The following PCNX1 variants were observed in gnomAD, a reference collection of about 807,000 sequenced individuals.
PCNX1 encodes pecanex 1.
In PCNX1, 78 loss-of-function variants were observed where a neutral mutation model predicts 242.2. The observed-to-expected ratio is 0.32, with a 90% confidence interval of 0.27 to 0.39. The LOEUF (loss-of-function observed/expected upper bound fraction) is 0.39, where lower values mean the gene tolerates loss of function less well. PCNX1 is among the 10% of genes least tolerant of loss of function. PCNX1 has a pLI of 1.00. For synonymous variants in PCNX1, 1,024 were observed against 1,032.9 expected, an observed-to-expected ratio of 0.99 and a Z score of 0.17; for missense variants, 2,581 against 2,856.5, an observed-to-expected ratio of 0.90 and a Z score of 2.20.
chr14:70,928,183 A>G (rs956543718), intron 1 of PCNX1, among the ~76,000 whole-genome samples: 2 of 152,160 alleles, frequency 1.3e-5, no homozygotes, highest in South Asian at 4.1e-4. Context: ...ATATAGGAGC[A>G]AGGAGAATCT....
intron 2 of PCNX1, among the ~76,000 whole-genome samples, chr14:70,956,413 G>A (rs1213906585): frequency 6.6e-6 from 1 of 151,920 alleles, no homozygotes; most frequent in Non-Finnish European, 1.5e-5. Context: ...AAAATTAGCC[G>A]GGTGTGGTGG....
At position 71,110,049 on chromosome 14, in the gene PCNX1, G is replaced by A. The variant is rs749236298; in HGVS notation, c.*114G>A. Reference sequence around the variant, plus strand: ...TATCACTTTGATCCTATGTGGGAGCGACTGAAAATAGAATGAGCTTGGTTA... The same window carrying A: ...TATCACTTTGATCCTATGTGGGAGCAACTGAAAATAGAATGAGCTTGGTTA... On this transcript the variant is annotated 3_prime_UTR_variant, in exon 36 of 36. Coordinates refer to ENST00000304743, the MANE Select transcript of PCNX1 (RefSeq NM_014982.3). The A allele has an allele frequency of 1.2e-4, 113 of 950,756 alleles. 1 individual carries two copies. The highest frequency in any genetic ancestry group is 1.4e-4 in the Non-Finnish European group (80 of 589,690). The allele number at this position is 950,756 out of a possible 1,614,324, so 58.9% of individuals were successfully genotyped here.
chr14:71,109,562 C>A lies in PCNX1; in HGVS notation c.6855C>A (p.Asp2285Glu), dbSNP rs768354103. The change falls in exon 35 of 36, where the codon GAC becomes GAA. Residue 2285 changes from aspartate to glutamate, a missense_variant. Around this residue, in one of 9 missense-constraint regions of PCNX1, gnomAD observed 432 missense variants for 433.6 expected, o/e 1.00. Coordinates refer to ENST00000304743, the MANE Select transcript of PCNX1 (RefSeq NM_014982.3). ...AAGCTGGGAGAAATAGCTGGAAAGACTGGAGTCCGCAGGAGGGCATGGAAG... is the reference window on the plus strand; with the variant it reads ...AAGCTGGGAGAAATAGCTGGAAAGAATGGAGTCCGCAGGAGGGCATGGAAG... Reference protein sequence around the residue: ...RLKAGRNSWKDWSPQEGMEGH... With the variant: ...RLKAGRNSWKEWSPQEGMEGH... 1 of 1,614,102 alleles carries A rather than the reference C, an allele frequency of 6.2e-7. No individual in the cohort carries two copies. Among genetic ancestry groups the A allele is most frequent in the Non-Finnish European group, 8.5e-7 (1 of 1,179,990 alleles).
At chr14:71,010,324 T>C (rs1455217166) in intron 9 of PCNX1, among the ~76,000 whole-genome samples, 2 of 152,108 alleles carry the variant, frequency 1.3e-5, no homozygotes, top group African/African-American at 4.8e-5. Context: ...ATGTAAGTTC[T>C]TACATAACTA....
intron 30 of PCNX1, among the ~76,000 whole-genome samples, chr14:71,091,885 G>A (rs972634739): frequency 8.5e-5 from 13 of 152,160 alleles, no homozygotes; most frequent in African/African-American, 2.2e-4. Context: ...TTAAAACGCC[G>A]TGTGGCACTA....
At position 70,977,050 on chromosome 14, in the gene PCNX1, A is replaced by G; in HGVS notation, c.713A>G (p.Asp238Gly). 1 of 1,614,212 alleles carries G rather than the reference A, an allele frequency of 6.2e-7. No individual in the cohort carries two copies. The highest frequency in any genetic ancestry group is 8.5e-7 in the Non-Finnish European group (1 of 1,180,048). Reference sequence around the variant, plus strand: ...CAGGACTTGCCAAGGGACTTCAGTGACAAAGTGAACCTGCCAAGTCATAAC... The same window carrying G: ...CAGGACTTGCCAAGGGACTTCAGTGGCAAAGTGAACCTGCCAAGTCATAAC... The part of the protein sequence containing the change: ...CGQDLPRDFS[D>G]KVNLPSHNHH... Residue 238 changes from aspartate (D) to glycine (G), a missense_variant, in exon 6 of 36, where the codon GAC (aspartate) becomes GGC (glycine). This residue lies in a region of PCNX1 where 1,204 missense variants were observed against 1,216.7 expected (regional missense o/e 0.99). Transcript: ENST00000304743.
At position 70,982,501 on chromosome 14, in the gene PCNX1, A is replaced by G. The variant is rs75189330; in HGVS notation, c.2311+3853A>G. Among the ~76,000 whole-genome samples, 85 of 152,336 alleles carry G rather than the reference A, an allele frequency of 5.6e-4. No homozygotes were observed. In the East Asian group the frequency reaches 0.013, roughly 23 times the overall value. On this transcript the variant is annotated intron_variant, in intron 6 of 35. Transcript: ENST00000304743. ...TCATAATAGCATAACTTAATACTGT[A>G]TTAAAGTATAATGCTATACTCATTG...
rs765106478 is a variant in PCNX1, at chr14:71,033,545, G to T, written c.3668+7G>T. On this transcript the variant is annotated splice_region_variant and intron_variant, in intron 17 of 35. Transcript: ENST00000304743. ...GTGATCCATCTGTACTTTTGTAAGTGAACTCAATTGTTATTGAATTAAAAG... is the reference window on the plus strand; with the variant it reads ...GTGATCCATCTGTACTTTTGTAAGTTAACTCAATTGTTATTGAATTAAAAG... 2.9e-6 allele frequency: 4 copies of T among 1,369,452 alleles called. No individual in the cohort carries two copies. In the East Asian group the frequency reaches 9.2e-5, roughly 31 times the overall value. The allele number at this position is 1,369,452 out of a possible 1,614,324, so 84.8% of individuals were successfully genotyped here.
At chr14:71,000,045 C>G (rs1404984967) in intron 8 of PCNX1, among the ~76,000 whole-genome samples, 1 of 151,824 alleles carries the variant, frequency 6.6e-6, no homozygotes. Context: ...TTGATTTTGT[C>G]CTTTATTATT....
At chr14:70,983,527 A>T (rs2058907060) in intron 6 of PCNX1, among the ~76,000 whole-genome samples, 1 of 151,944 alleles carries the variant, frequency 6.6e-6, no homozygotes, top group Non-Finnish European at 1.5e-5. Context: ...CTGGTCTCGA[A>T]CTCCTGACCT....
At chr14:71,020,447 G>A (rs2140753815) in intron 12 of PCNX1, among the ~76,000 whole-genome samples, 1 of 152,234 alleles carries the variant, frequency 6.6e-6, no homozygotes, top group South Asian at 2.1e-4. Context: ...AGCATCTGTT[G>A]TTTCCTGACT....
In PCNX1 at chr14:71,102,162, C is replaced by G; in HGVS notation, c.5762C>G (p.Thr1921Ser). 6.2e-7 allele frequency: 1 copy of G among 1,613,994 alleles called. No homozygotes were observed. The highest frequency in any genetic ancestry group is 8.5e-7 in the Non-Finnish European group (1 of 1,179,964). The change falls in exon 31 of 36, where the codon ACC (threonine) becomes AGC (serine). Residue 1921 changes from threonine to serine, a missense_variant. Thr to Ser is a moderately conservative substitution (Grantham distance 58). Coordinates refer to ENST00000304743, the MANE Select transcript of PCNX1 (RefSeq NM_014982.3). ...CTGCGGCATGTCATGGATGATGGCA[C>G]CAATGAATATAAAATCATCATGCTC... is the stretch of plus-strand genomic sequence containing the variant. ...LALRHVMDDG[T>S]NEYKIIMLNR...
rs764850863 is a variant in PCNX1, at chr14:71,019,082, C to T, written c.3070C>T (p.Leu1024Phe). 33 of 1,613,310 alleles carry T rather than the reference C, an allele frequency of 2.0e-5. No individual in the cohort carries two copies. Among genetic ancestry groups the T allele is most frequent in the Non-Finnish European group, 2.8e-5 (33 of 1,179,482 alleles). The change falls in exon 12 of 36, where the codon CTC becomes TTC. Residue 1024 changes from leucine to phenylalanine, a missense_variant. Around this residue, in one of 9 missense-constraint regions of PCNX1, gnomAD observed 55 missense variants for 49.8 expected, o/e 1.10. Coordinates refer to ENST00000304743, the MANE Select transcript of PCNX1 (RefSeq NM_014982.3). ...ILVAFLGSIL[L>F]IQGFFRDIWV... ...CGTGGCCTTTTTGGGATCTATTCTTCTCATACAAGGATTCTTCAGAGATAT... is the reference window on the plus strand; with the variant it reads ...CGTGGCCTTTTTGGGATCTATTCTTTTCATACAAGGATTCTTCAGAGATAT...
Position 71,071,653 on chromosome 14 carries a change from TC to T in PCNX1, c.4853-1890del, listed in dbSNP as rs572476763. On this transcript the variant is annotated intron_variant, in intron 26 of 35. Coordinates refer to ENST00000304743, the MANE Select transcript of PCNX1 (RefSeq NM_014982.3). The stretch of plus-strand genomic sequence containing the variant: ...TTCCTGAGGCCTACCCAGCCACACT[TC>T]CTGTACAGTCTGCAGAACTGTGAGC... Among the ~76,000 whole-genome samples the T allele has an allele frequency of 1.6e-4, 25 of 152,304 alleles. No homozygotes were observed. The South Asian group carries it at 4.6e-3, about 28-fold the overall frequency.
chr14:71,004,902 A>G (rs1006862418), intron 8 of PCNX1, among the ~76,000 whole-genome samples: 1 of 152,214 alleles, frequency 6.6e-6, no homozygotes, highest in African/African-American at 2.4e-5. Context: ...AATGTCTTTT[A>G]AAAACTCACT....
At chr14:71,006,662 GAA>G (rs747170049) in intron 8 of PCNX1, among the ~76,000 whole-genome samples, 3 of 152,138 alleles carry the variant, frequency 2.0e-5, no homozygotes, top group Non-Finnish European at 4.4e-5. Flanking sequence ...AATCTCAAAA[GAA>G]ATAGTAAAAT....
rs1371592128 is a variant in PCNX1, at chr14:71,088,413, A to C, written c.5421A>C (p.Ala1807=). The C allele has an allele frequency of 1.5e-5, 24 of 1,600,180 alleles. No individual in the cohort carries two copies. The highest frequency in any genetic ancestry group is 2.1e-5 in the Non-Finnish European group (24 of 1,167,686). The change falls in exon 29 of 36, where the codon GCA becomes GCC. Residue 1807 remains alanine (A), a synonymous_variant. Coordinates refer to ENST00000304743, the MANE Select transcript of PCNX1 (RefSeq NM_014982.3). ...CVLGRRALGT[A]SHHMSSNLES... ...TGGGACGGAGAGCTTTGGGGACTGCATCCCATCATATGTCCAGGTAAAGAA... is the reference window on the plus strand; with the variant it reads ...TGGGACGGAGAGCTTTGGGGACTGCCTCCCATCATATGTCCAGGTAAAGAA...
chr14:71,009,349 G>A (rs1378949353), intron 8 of PCNX1, among the ~76,000 whole-genome samples: 1 of 152,142 alleles, frequency 6.6e-6, no homozygotes, highest in Non-Finnish European at 1.5e-5. Flanking sequence ...CCTGAATAGA[G>A]AATGTGCCGT....
rs556990951 is a variant in PCNX1 at position 70,949,237 on chromosome 14, A to G, written c.362+2114A>G. On this transcript the variant is annotated intron_variant, in intron 2 of 35. Coordinates refer to ENST00000304743, the MANE Select transcript of PCNX1 (RefSeq NM_014982.3). ...TGTATATATAGATATATGTATGTGT[A>G]TATACACACGTGTATACACACACAC... 1.3e-3 allele frequency among the ~76,000 whole-genome samples: 185 copies of G among 145,444 alleles called. 4 individuals carry two copies. The South Asian group carries it at 0.022, about 17-fold the overall frequency.
Sources: allele counts gnomAD v4.1 joint callset (sites outside exome capture counted in the v4.1 genomes callset), GRCh38; gene constraint gnomAD v4.1.1; regional missense constraint gnomAD v4.1.1; transcripts MANE v1.5; gene names NCBI Gene and HGNC (gene_info 2026-07-23, HGNC 2026-07-21).